POU6F2: variants seen among roughly 807,000 people sequenced by gnomAD.
POU6F2 encodes POU domain, class 6, transcription factor 2.
Under a neutral mutation model 71.3 loss-of-function variants are expected in POU6F2, and 31 were observed. That is an observed-to-expected ratio of 0.43 (90% confidence interval 0.33 to 0.59). POU6F2 has a LOEUF of 0.59. Among genes scored for constraint, POU6F2 ranks in the 20% least tolerant of loss-of-function variants. POU6F2 has a pLI of 0.04. For missense variants in POU6F2, 783 were observed against 856.8 expected (o/e 0.91, Z 1.07); for synonymous variants, 347 against 355.7 (o/e 0.98, Z 0.27).
intron 2 of POU6F2, among the ~76,000 whole-genome samples, chr7:39,112,408 C>T (rs753516528): frequency 4.6e-5 from 7 of 152,228 alleles, no homozygotes; most frequent in Admixed American, 1.3e-4. Context: ...ATTAACAGTA[C>T]GTAATATATT....
At chr7:39,440,265 C>T (rs765332580) in intron 7 of POU6F2, among the ~76,000 whole-genome samples, 3 of 152,126 alleles carry the variant, frequency 2.0e-5, no homozygotes, top group African/African-American at 2.4e-5. Flanking sequence ...TGGATGATAT[C>T]CTGAAGTGTG....
chr7:39,045,144 A>G (rs1304136749), intron 1 of POU6F2, among the ~76,000 whole-genome samples: 3 of 151,978 alleles, frequency 2.0e-5, no homozygotes, highest in Non-Finnish European at 2.9e-5. Context: ...GTTATGATAT[A>G]GTACACTCCT....
chr7:39,055,455 G>A (rs1385158327), intron 1 of POU6F2, among the ~76,000 whole-genome samples: 1 of 152,190 alleles, frequency 6.6e-6, no homozygotes, highest in Non-Finnish European at 1.5e-5. Context: ...ATACTAATGG[G>A]CAGATTCCGC....
chr7:39,076,253 C>G (rs1224633762), intron 1 of POU6F2, among the ~76,000 whole-genome samples: 1 of 151,648 alleles, frequency 6.6e-6, no homozygotes, highest in Non-Finnish European at 1.5e-5. Context: ...TCCATTCCCT[C>G]CCTTCCTTCC....
chr7:39,195,988 A>G (rs1584595395), intron 2 of POU6F2, among the ~76,000 whole-genome samples: 1 of 152,060 alleles, frequency 6.6e-6, no homozygotes, highest in Non-Finnish European at 1.5e-5. Context: ...AGCTTTGGCC[A>G]TTTTTCAAGC....
At chr7:39,228,970 T>G (rs1794522549) in intron 4 of POU6F2, among the ~76,000 whole-genome samples, 1 of 152,140 alleles carries the variant, frequency 6.6e-6, no homozygotes, top group South Asian at 2.1e-4. Flanking sequence ...ACTGAGAGCC[T>G]CCTGGCCCCA....
At chr7:39,347,329 C>G (rs1786050466) in intron 5 of POU6F2, among the ~76,000 whole-genome samples, 1 of 152,056 alleles carries the variant, frequency 6.6e-6, no homozygotes, top group Non-Finnish European at 1.5e-5. Context: ...TAAAATGATG[C>G]CCTGCAAACT....
intron 1 of POU6F2, among the ~76,000 whole-genome samples, chr7:39,051,258 C>A (rs2128713945): frequency 6.6e-6 from 1 of 152,200 alleles, no homozygotes; most frequent in Non-Finnish European, 1.5e-5. Flanking sequence ...CACCAAGGGG[C>A]AAAGCTGATC....
intron 4 of POU6F2, among the ~76,000 whole-genome samples, chr7:39,236,389 C>T (rs937700524): frequency 2.0e-5 from 3 of 152,100 alleles, no homozygotes; most frequent in Admixed American, 6.6e-5. Context: ...ATAATGGAAA[C>T]GTATTCCTGC....
chr7:39,277,017 C>T (rs905489591), intron 4 of POU6F2, among the ~76,000 whole-genome samples: 1 of 152,142 alleles, frequency 6.6e-6, no homozygotes, highest in East Asian at 1.9e-4. Context: ...CTAACCTGTA[C>T]ATTGTGCACA....
intron 9 of POU6F2, among the ~76,000 whole-genome samples, chr7:39,463,792 T>C (rs1198261834): frequency 6.6e-6 from 1 of 152,234 alleles, no homozygotes; most frequent in Non-Finnish European, 1.5e-5. Context: ...AACTGTCATC[T>C]TTGATGTCAC....
intron 2 of POU6F2, among the ~76,000 whole-genome samples, chr7:39,098,584 G>A (rs755578330): frequency 2.6e-5 from 4 of 152,138 alleles, no homozygotes; most frequent in African/African-American, 4.8e-5. Context: ...CCTGGCCATT[G>A]TCTTATACTA....
At chr7:39,179,868 C>T (rs1254623334) in intron 2 of POU6F2, among the ~76,000 whole-genome samples, 2 of 152,314 alleles carry the variant, frequency 1.3e-5, no homozygotes, top group South Asian at 4.1e-4. Flanking sequence ...ACCACTTAAG[C>T]ACGTTGTATT....
At chr7:39,456,466 A>C (rs746347145) in intron 8 of POU6F2, among the ~76,000 whole-genome samples, 2 of 152,220 alleles carry the variant, frequency 1.3e-5, no homozygotes, top group Non-Finnish European at 2.9e-5. Flanking sequence ...TTTAAGACAG[A>C]AACTTTGGGA....
At chr7:39,129,466 C>T (rs1207948286) in intron 2 of POU6F2, among the ~76,000 whole-genome samples, 1 of 152,152 alleles carries the variant, frequency 6.6e-6, no homozygotes, top group Non-Finnish European at 1.5e-5. Context: ...CAAAGCTTTG[C>T]CCTCAGCTTA....
chr7:39,078,175 A>T (rs756984321), intron 1 of POU6F2, among the ~76,000 whole-genome samples: 2 of 152,198 alleles, frequency 1.3e-5, no homozygotes, highest in Non-Finnish European at 2.9e-5. Context: ...TTTTATTGCC[A>T]ATTATTTCCA....
Position 39,204,290 on chromosome 7 carries a change from C to G in POU6F2, c.333C>G (p.Ala111=). 6.2e-7 allele frequency: 1 copy of G among 1,613,858 alleles called. No individual in the cohort carries two copies. Among genetic ancestry groups the G allele is most frequent in the Non-Finnish European group, 8.5e-7 (1 of 1,179,816 alleles). ...SDPGTPDQHQ[A]SQTHPPFPVG... The stretch of plus-strand genomic sequence containing the variant: ...CAGGCACTCCTGACCAACACCAGGC[C>G]AGTCAGACCCACCCCCCATTTCCAG... The change falls in exon 3 of 10, where the codon GCC becomes GCG. Residue 111 remains alanine (A), a synonymous_variant. Coordinates refer to ENST00000518318, the MANE Select transcript of POU6F2 (RefSeq NM_001370959.1).
At chr7:39,142,602 A>T (rs116269931) in intron 2 of POU6F2, among the ~76,000 whole-genome samples, 3,154 of 152,292 alleles carry the variant, frequency 0.021, 48 homozygotes, top group Middle Eastern at 0.044. Flanking sequence ...AACTTCATAA[A>T]CCTTTGATTT....
At chr7:39,131,089 G>A (rs1314566826) in intron 2 of POU6F2, among the ~76,000 whole-genome samples, 1 of 152,056 alleles carries the variant, frequency 6.6e-6, no homozygotes, top group Non-Finnish European at 1.5e-5. Context: ...TTAGAAGTAG[G>A]GCCACCGTTT....
Sources: allele counts gnomAD v4.1 joint callset (sites outside exome capture counted in the v4.1 genomes callset), GRCh38; gene constraint gnomAD v4.1.1; transcripts MANE v1.5; gene names NCBI Gene and HGNC (gene_info 2026-07-23, HGNC 2026-07-21).